The following MYH16 variants were observed in gnomAD, a reference collection of about 807,000 sequenced individuals.
MYH16 encodes myosin heavy chain 16.
At chr7:99,266,122 G>C (rs569128752) in intron 17 of MYH16, among the ~76,000 whole-genome samples, 26 of 151,862 alleles carry the variant, frequency 1.7e-4, no homozygotes, top group African/African-American at 6.0e-4. Context: ...GAGCTCTTCT[G>C]GTCCAAAAAA....
intron 33 of MYH16, among the ~76,000 whole-genome samples, chr7:99,294,541 AAAAG>A (rs1792447723): frequency 1.7e-5 from 2 of 119,002 alleles, no homozygotes; most frequent in African/African-American, 5.4e-5. Flanking sequence ...GAAAAAGAAA[AAAAG>A]AAAAAAAAAA....
chr7:99,300,525 G>A (rs564270953), intron 37 of MYH16, among the ~76,000 whole-genome samples: 62 of 152,220 alleles, frequency 4.1e-4, no homozygotes, highest in Non-Finnish European at 8.2e-4. Context: ...GACAATGCTG[G>A]ACACATTTGG....
chr7:99,241,023 C>T (rs1040005406), intron 1 of MYH16, among the ~76,000 whole-genome samples: 4 of 152,128 alleles, frequency 2.6e-5, no homozygotes, highest in East Asian at 3.8e-4. Context: ...GCTGCAGTGT[C>T]GTGAGAAGTG....
chr7:99,254,718 T>C (rs1791852182), intron 8 of MYH16, among the ~76,000 whole-genome samples: 1 of 152,106 alleles, frequency 6.6e-6, no homozygotes, highest in South Asian at 2.1e-4. Flanking sequence ...CACACACACC[T>C]CCTAACCCAG....
chr7:99,265,879 G>T (rs1584345333), intron 17 of MYH16, among the ~76,000 whole-genome samples: 1 of 152,040 alleles, frequency 6.6e-6, no homozygotes, highest in African/African-American at 2.4e-5. Flanking sequence ...ATAGACACTT[G>T]CCCAAATTTC....
chr7:99,273,721 C>T (rs1293870690), intron 20 of MYH16, among the ~76,000 whole-genome samples: 2 of 150,060 alleles, frequency 1.3e-5, no homozygotes, highest in Non-Finnish European at 3.0e-5. Flanking sequence ...CAGTGAGACC[C>T]CATTTCAAAA....
At chr7:99,254,470 C>T (rs1791850048) in intron 8 of MYH16, among the ~76,000 whole-genome samples, 1 of 152,172 alleles carries the variant, frequency 6.6e-6, no homozygotes, top group Non-Finnish European at 1.5e-5. Flanking sequence ...GAGTCTGATA[C>T]TCGGGCACCA....
intron 33 of MYH16, among the ~76,000 whole-genome samples, chr7:99,294,519 A>AAAAAAG (rs869246392): frequency 3.1e-4 from 40 of 131,030 alleles, no homozygotes; most frequent in East Asian, 1.3e-3. Flanking sequence ...AAAAAAAAAA[A>AAAAAAG]AAAAAGAAAA....
At chr7:99,253,577 C>G (rs532727252) in intron 7 of MYH16, 1 of 151,862 alleles carries the variant, frequency 6.6e-6, no homozygotes. Context: ...GTCAGGTCCC[C>G]GGAGGCTGCG....
At chr7:99,288,945 C>G (rs901747558) in intron 29 of MYH16, among the ~76,000 whole-genome samples, 3 of 151,976 alleles carry the variant, frequency 2.0e-5, no homozygotes, top group South Asian at 2.1e-4. Flanking sequence ...AACCCTGTCT[C>G]TACAAAAAAA....
intron 14 of MYH16, among the ~76,000 whole-genome samples, chr7:99,263,840 T>C (rs1486799645): frequency 6.6e-6 from 1 of 152,224 alleles, no homozygotes; most frequent in Non-Finnish European, 1.5e-5. Context: ...AGAGGTCATG[T>C]GGCTCATAGA....
chr7:99,296,633 G>C (rs138139358), intron 33 of MYH16, 68 bp from the exon 15 acceptor site: 74 of 441,722 alleles, frequency 1.7e-4, no homozygotes, highest in African/African-American at 8.4e-4. Context: ...GAGGTTGGTG[G>C]GGGGGTGGGA....
At chr7:99,287,414 A>T (rs1292403718) in intron 28 of MYH16, among the ~76,000 whole-genome samples, 1 of 151,576 alleles carries the variant, frequency 6.6e-6, no homozygotes, top group African/African-American at 2.4e-5. Flanking sequence ...GGCACCTGTA[A>T]TCCCAGCTAC....
At chr7:99,269,865 CTTTTTTTTTTTTTTT>C (rs983455403) in intron 18 of MYH16, among the ~76,000 whole-genome samples, 4 of 107,702 alleles carry the variant, frequency 3.7e-5, no homozygotes, top group Non-Finnish European at 7.2e-5. Context: ...TCTGGGGACA[CTTTTTTTTTTTTTTT>C]TTTTTTTTTT....
chr7:99,288,715 TA>T (rs1453156453), intron 29 of MYH16, among the ~76,000 whole-genome samples: 3 of 151,786 alleles, frequency 2.0e-5, no homozygotes, highest in Non-Finnish European at 4.4e-5. Flanking sequence ...AAATAAAAAA[TA>T]AAATAACCTG....
chr7:99,269,275 T>C (rs898847931), intron 18 of MYH16, among the ~76,000 whole-genome samples: 6 of 149,098 alleles, frequency 4.0e-5, no homozygotes, highest in Non-Finnish European at 6.0e-5. Context: ...ACCATTCTCT[T>C]TTTTTTTTTT....
intron 19 of MYH16, among the ~76,000 whole-genome samples, chr7:99,272,981 GA>G (rs753894845): frequency 2.1e-4 from 32 of 152,160 alleles, no homozygotes; most frequent in Non-Finnish European, 4.1e-4. Flanking sequence ...CAGGGAACAA[GA>G]AACGGGCAGA....
intron 29 of MYH16, among the ~76,000 whole-genome samples, chr7:99,288,414 G>T (rs949557038): frequency 6.6e-6 from 1 of 151,910 alleles, no homozygotes; most frequent in Non-Finnish European, 1.5e-5. Flanking sequence ...CTCCAGCCTG[G>T]GCAACAGAGT....
chr7:99,239,909 G>A (rs187126933), intron 1 of MYH16, among the ~76,000 whole-genome samples: 57 of 152,210 alleles, frequency 3.7e-4, no homozygotes, highest in African/African-American at 1.2e-3. Flanking sequence ...TAGGCTAGGC[G>A]TGGTGGCTCA....
Sources: allele counts gnomAD v4.1 joint callset (sites outside exome capture counted in the v4.1 genomes callset), GRCh38; gene constraint gnomAD v4.1.1; transcripts MANE v1.5; gene names NCBI Gene and HGNC (gene_info 2026-07-23, HGNC 2026-07-21).